The following PLCZ1 variants were observed in gnomAD, a reference collection of about 807,000 sequenced individuals.
The protein encoded by PLCZ1 is 1-phosphatidylinositol 4,5-bisphosphate phosphodiesterase zeta-1.
A neutral mutation model predicts 76.8 loss-of-function variants in PLCZ1; 64 were observed. The ratio of observed to expected loss-of-function variants is 0.83; its 90% CI spans 0.68 to 1.03. The LOEUF (loss-of-function observed/expected upper bound fraction) is 1.03. PLCZ1 is among the 50% of genes least tolerant of loss of function. The pLI, the probability that PLCZ1 is intolerant of heterozygous loss-of-function variation, is 0.00. For synonymous variants in PLCZ1, 248 were observed against 230.8 expected (o/e 1.07, Z -0.68); for missense variants, 751 against 713.7 (o/e 1.05, Z -0.60).
At chr12:18,685,480 T>C (rs546788137) in intron 13 of PLCZ1, 44 of 217,482 alleles carry the variant, frequency 2.0e-4, no homozygotes, top group Middle Eastern at 1.9e-3. Context: ...GTTTTTGTTC[T>C]TTGACTTACA....
chr12:18,705,263 T>C lies in PLCZ1; in HGVS notation c.767A>G (p.Gln256Arg). 6.2e-7 allele frequency: 1 copy of C among 1,614,092 alleles called. No individual in the cohort carries two copies. Among genetic ancestry groups the C allele is most frequent in the Non-Finnish European group, 8.5e-7 (1 of 1,179,984 alleles). ...LSLENHCSTAQQEVMADNLQA... is the reference protein window; with the variant it reads ...LSLENHCSTARQEVMADNLQA... ...CAAATTGTCTGCCATTACTTCTTGT[T>C]GGGCAGTGGAGCAGTGATTTTCTAA... Residue 256 changes from glutamine (Q) to arginine (R), a missense_variant, in exon 7 of 15, where the codon CAA becomes CGA. Gln to Arg is a conservative substitution (Grantham distance 43, BLOSUM62 1). Transcript: ENST00000266505.
chr12:18,658,456 T>C, the PLCZ1 span, among the ~76,000 whole-genome samples: 35 of 152,176 alleles, frequency 2.3e-4, 1 homozygote. Flanking sequence ...CAAGTCATTA[T>C]GCACAAGAAA....
intron 1 of PLCZ1, 22 bp from the exon 2 acceptor site, chr12:18,737,531 C>A: frequency 2.1e-6 from 2 of 939,584 alleles, no homozygotes; most frequent in Non-Finnish European, 3.1e-6. Flanking sequence ...GCAGAGAACA[C>A]ACAGTGGTTT....
At chr12:18,697,818 C>T (rs1955290055) in intron 10 of PLCZ1, among the ~76,000 whole-genome samples, 1 of 151,762 alleles carries the variant, frequency 6.6e-6, no homozygotes, top group South Asian at 2.1e-4. Flanking sequence ...TAATGATTTT[C>T]ATTATGTTTA....
chr12:18,702,097 G>A (rs1317669994), intron 7 of PLCZ1, among the ~76,000 whole-genome samples: 3 of 151,976 alleles, frequency 2.0e-5, no homozygotes, highest in African/African-American at 7.3e-5. Flanking sequence ...TACTTACCAT[G>A]ATATTGCAAT....
chr12:18,656,543 C>A, the PLCZ1 span, among the ~76,000 whole-genome samples: 1 of 151,674 alleles, frequency 6.6e-6, no homozygotes, highest in South Asian at 2.1e-4. Flanking sequence ...CCAGCCTGGG[C>A]GACAGAGCGA....
At chr12:18,684,358 C>T (rs1591966439) in intron 13 of PLCZ1, 79 bp from the exon 14 acceptor site, 14 of 1,402,766 alleles carry the variant, frequency 1.0e-5, no homozygotes, top group Non-Finnish European at 1.4e-5. Context: ...GTTCTCCAAA[C>T]TTTTTCTTTT....
At chr12:18,726,683 A>G (rs1021057586) in intron 3 of PLCZ1, among the ~76,000 whole-genome samples, 2 of 152,202 alleles carry the variant, frequency 1.3e-5, no homozygotes, top group Non-Finnish European at 2.9e-5. Flanking sequence ...TAAAAATATG[A>G]AATGTTATTT....
chr12:18,701,374 T>C, intron 9 of PLCZ1, 127 bp downstream of exon 9: 1 of 1,492,814 alleles, frequency 6.7e-7, no homozygotes, highest in South Asian at 1.3e-5. Flanking sequence ...AAGTAAATTG[T>C]AAATGATAGA....
rs1475388345 is a variant in PLCZ1, at chr12:18,695,205, G to A, written c.1292-126C>T. The A allele has an allele frequency of 6.6e-6, 6 of 911,982 alleles. No individual in the cohort carries two copies. In the African/African-American group the frequency reaches 8.5e-5, roughly 13 times the overall value. The allele number at this position is 911,982 out of a possible 1,614,324, so 56.5% of individuals were successfully genotyped here. A position where few individuals can be genotyped will look rare whatever the true frequency, so the allele number is the denominator to read the frequency against. On this transcript the variant is annotated intron_variant, in intron 11 of 14. Transcript: ENST00000266505. The stretch of plus-strand genomic sequence containing the variant: ...AATGTTCTATGAGCAAGTATCATTA[G>A]CCTAATAATTCATGATTTTTAAAAC...
chr12:18,648,219 C>G, the PLCZ1 span: 2 of 340,030 alleles, frequency 5.9e-6, no homozygotes, highest in African/African-American at 4.2e-5. Context: ...TTTTCATAAT[C>G]TTTTCTCCTT....
chr12:18,692,297 A>G (rs1954218860), intron 12 of PLCZ1, among the ~76,000 whole-genome samples: 3 of 152,194 alleles, frequency 2.0e-5, no homozygotes, highest in Admixed American at 1.3e-4. Context: ...TAGCCACTCT[A>G]TTGATTTGCA....
the PLCZ1 span, among the ~76,000 whole-genome samples, chr12:18,666,110 A>G: frequency 6.6e-6 from 1 of 152,060 alleles, no homozygotes; most frequent in African/African-American, 2.4e-5. Flanking sequence ...GTGTATACTA[A>G]AACAAATGAA....
At chr12:18,679,674 G>A (rs1952243232), downstream of PLCZ1, among the ~76,000 whole-genome samples, 1 of 151,888 alleles carries the variant, frequency 6.6e-6, no homozygotes, top group Admixed American at 6.6e-5. Context: ...CACACATTAG[G>A]CCCTGGCTAA....
At chr12:18,671,648 T>TA in the PLCZ1 span, among the ~76,000 whole-genome samples, 58 of 151,516 alleles carry the variant, frequency 3.8e-4, no homozygotes, top group East Asian at 7.9e-3. Flanking sequence ...ATATTGGATA[T>TA]AAAAAAAAAT....
the PLCZ1 span, among the ~76,000 whole-genome samples, chr12:18,664,461 T>A: frequency 6.6e-6 from 1 of 152,178 alleles, no homozygotes; most frequent in South Asian, 2.1e-4. Flanking sequence ...AATTATGGCA[T>A]ATACTACAGC....
intron 1 of PLCZ1, 89 bp from the exon 2 acceptor site, chr12:18,737,598 G>T: frequency 4.5e-6 from 3 of 664,394 alleles, no homozygotes; most frequent in Middle Eastern, 2.9e-4. Flanking sequence ...CAGTATGCAA[G>T]ATGTGGTACC....
At chr12:18,669,912 G>A in the PLCZ1 span, among the ~76,000 whole-genome samples, 1,696 of 152,012 alleles carry the variant, frequency 0.011, 26 homozygotes, top group African/African-American at 0.039. Context: ...CTTGTGATCC[G>A]CCCACCTGGC....
At chr12:18,665,527 T>C in the PLCZ1 span, among the ~76,000 whole-genome samples, 40 of 152,306 alleles carry the variant, frequency 2.6e-4, no homozygotes, top group Non-Finnish European at 4.6e-4. Context: ...GTGTGGTGGC[T>C]CCTGCCTGTA....
Sources: allele counts gnomAD v4.1 joint callset (sites outside exome capture counted in the v4.1 genomes callset), GRCh38; gene constraint gnomAD v4.1.1; transcripts MANE v1.5; gene names NCBI Gene and HGNC (gene_info 2026-07-23, HGNC 2026-07-21).